SNRPN: variants seen among roughly 807,000 people sequenced by gnomAD.
SNRPN encodes the protein small nuclear ribonucleoprotein-associated protein N.
A neutral mutation model predicts 25.2 loss-of-function variants in SNRPN; 7 were observed. The observed-to-expected ratio is 0.28, with a 90% CI of 0.16 to 0.52. SNRPN has a LOEUF of 0.52. Among genes scored for constraint, SNRPN ranks in the 20% least tolerant of loss-of-function variants. SNRPN has a pLI of 0.96. For synonymous variants in SNRPN, 124 were observed against 110.6 expected, an observed-to-expected ratio of 1.12 and a Z score of -0.76; for missense variants, 196 against 322.5, an observed-to-expected ratio of 0.61 and a Z score of 3.00.
At chr15:24,834,609 G>A (rs1197163523) in intron 2 of SNRPN, among the ~76,000 whole-genome samples, 1 of 151,410 alleles carries the variant, frequency 6.6e-6, no homozygotes, top group Non-Finnish European at 1.5e-5. Context: ...GTGACCGTCT[G>A]TTGTCCTAGC....
chr15:24,957,347 G>A (rs1335614794), intron 1 of SNRPN, among the ~76,000 whole-genome samples: 1 of 152,170 alleles, frequency 6.6e-6, no homozygotes, highest in African/African-American at 2.4e-5. Context: ...GAGAAAAGTG[G>A]AGACAATCTT....
chr15:24,885,644 G>C (rs1253984055), intron 1 of SNRPN, among the ~76,000 whole-genome samples: 3 of 151,926 alleles, frequency 2.0e-5, no homozygotes, highest in Non-Finnish European at 4.4e-5. Flanking sequence ...TAAAACCAAA[G>C]AGGGACAGGC....
intron 1 of SNRPN, among the ~76,000 whole-genome samples, chr15:24,873,947 G>A (rs763783669): frequency 5.4e-4 from 81 of 149,586 alleles, no homozygotes; most frequent in Non-Finnish European, 7.5e-4. Flanking sequence ...AAGAAACCTC[G>A]CACCTCCCAC....
chr15:24,892,831 G>A (rs1431652808), intron 2 of SNRPN, among the ~76,000 whole-genome samples: 2 of 152,050 alleles, frequency 1.3e-5, no homozygotes, highest in African/African-American at 4.8e-5. Flanking sequence ...GCCAACAGAG[G>A]TTCAAGAAAA....
At chr15:24,945,739 T>A (rs1394976327) in intron 3 of SNRPN, among the ~76,000 whole-genome samples, 1 of 152,200 alleles carries the variant, frequency 6.6e-6, no homozygotes, top group Admixed American at 6.5e-5. Flanking sequence ...TCTTGTTCAT[T>A]CTCTTCCTGA....
At chr15:24,914,891 A>C (rs1049569351) in intron 2 of SNRPN, among the ~76,000 whole-genome samples, 16 of 152,060 alleles carry the variant, frequency 1.1e-4, no homozygotes, top group African/African-American at 3.9e-4. Flanking sequence ...AGATCATGGG[A>C]AAAAGGGACG....
At chr15:24,825,939 CAT>C (rs1212770765) in intron 1 of SNRPN, among the ~76,000 whole-genome samples, 2 of 152,028 alleles carry the variant, frequency 1.3e-5, no homozygotes, top group Non-Finnish European at 1.5e-5. Context: ...ACCAACAAAT[CAT>C]AGGAAATTCA....
chr15:24,827,637 G>A (rs1030417855), intron 1 of SNRPN, among the ~76,000 whole-genome samples: 1 of 151,938 alleles, frequency 6.6e-6, no homozygotes, highest in Non-Finnish European at 1.5e-5. Context: ...GGGAGGTTGA[G>A]GCAGGAGGAT....
intron 3 of SNRPN, among the ~76,000 whole-genome samples, chr15:24,927,235 C>T (rs2060443740): frequency 6.6e-6 from 1 of 151,918 alleles, no homozygotes; most frequent in Non-Finnish European, 1.5e-5. Context: ...AACCTCCTGC[C>T]TGAGCCTCCA....
At chr15:24,940,133 A>G (rs1243522406) in intron 3 of SNRPN, among the ~76,000 whole-genome samples, 4 of 152,122 alleles carry the variant, frequency 2.6e-5, no homozygotes, top group Non-Finnish European at 5.9e-5. Flanking sequence ...CTTATCAAAT[A>G]TATGATTTGC....
chr15:24,967,551 A>T (rs1224541853), intron 2 of SNRPN, among the ~76,000 whole-genome samples: 2 of 151,922 alleles, frequency 1.3e-5, no homozygotes, highest in Non-Finnish European at 2.9e-5. Context: ...CTGACACTGG[A>T]GAATGGCGTG....
intron 3 of SNRPN, among the ~76,000 whole-genome samples, chr15:24,923,092 G>T (rs2060133551): frequency 6.6e-6 from 1 of 151,988 alleles, no homozygotes; most frequent in Admixed American, 6.6e-5. Context: ...TTTTAGCAGA[G>T]ATGGGGTTTT....
intron 2 of SNRPN, among the ~76,000 whole-genome samples, chr15:24,834,454 A>C (rs1206168492): frequency 6.6e-6 from 1 of 152,088 alleles, no homozygotes; most frequent in Non-Finnish European, 1.5e-5. Context: ...TACAGCTCAG[A>C]CAGCAAATCA....
At chr15:24,977,417 T>A (rs2077188412) in intron 7 of SNRPN, among the ~76,000 whole-genome samples, 1 of 152,164 alleles carries the variant, frequency 6.6e-6, no homozygotes, top group Non-Finnish European at 1.5e-5. Flanking sequence ...GGTGGGCAGA[T>A]CACTTGAGGT....
intron 1 of SNRPN, 121 bp from the exon 2 acceptor site, chr15:24,961,993 T>C: frequency 1.1e-6 from 1 of 897,638 alleles, no homozygotes. Context: ...TAATTTTACC[T>C]TGTTTTAATT....
At chr15:24,944,494 T>A (rs571869331) in intron 3 of SNRPN, among the ~76,000 whole-genome samples, 1 of 152,256 alleles carries the variant, frequency 6.6e-6, no homozygotes, top group African/African-American at 2.4e-5. Context: ...GGTCAGGAGT[T>A]CGAGAGTGGC....
intron 2 of SNRPN, among the ~76,000 whole-genome samples, chr15:24,845,334 C>T (rs973159623): frequency 6.6e-6 from 1 of 152,214 alleles, no homozygotes; most frequent in African/African-American, 2.4e-5. Flanking sequence ...TGCGGTGGCT[C>T]ACGCCTGTAA....
intron 2 of SNRPN, 117 bp from the exon 3 acceptor site, chr15:24,967,815 A>G: frequency 2.3e-6 from 2 of 865,260 alleles, no homozygotes; most frequent in Non-Finnish European, 1.7e-6. Flanking sequence ...CTGGAAAAAA[A>G]AAAAAAAAAA....
At chr15:24,926,218 T>C (rs1178331052) in intron 3 of SNRPN, among the ~76,000 whole-genome samples, 1 of 152,126 alleles carries the variant, frequency 6.6e-6, no homozygotes, top group African/African-American at 2.4e-5. Context: ...TTTTAATAAT[T>C]TTCCAACTTT....
Sources: gnomAD v4.1 joint callset for allele counts (sites outside exome capture counted in the v4.1 genomes callset) on GRCh38, gnomAD v4.1.1 for gene constraint, MANE v1.5 for transcripts, NCBI Gene and HGNC (gene_info 2026-07-23, HGNC 2026-07-21) for gene names.